OR3A2: variants seen among roughly 807,000 people sequenced by gnomAD.
The protein encoded by OR3A2 is olfactory receptor family 3 subfamily A member 2.
For missense variants in OR3A2, 318 were observed against 392.8 expected (o/e 0.81, Z 1.61); for synonymous variants, 126 against 159.3 (o/e 0.79, Z 1.57).
intron 3 of OR3A2, among the ~76,000 whole-genome samples, chr17:3,319,483 G>A (rs9890821): frequency 0.019 from 2,815 of 151,900 alleles, 90 homozygotes; most frequent in African/African-American, 0.064. Flanking sequence ...CCATTAACTC[G>A]TCATTTAGCA....
At chr17:3,348,675 GA>G (rs768340063) in intron 2 of OR3A2, among the ~76,000 whole-genome samples, 2 of 151,884 alleles carry the variant, frequency 1.3e-5, no homozygotes, top group Non-Finnish European at 2.9e-5. Flanking sequence ...AGGAAATACA[GA>G]CAACACCACA....
intron 2 of OR3A2, among the ~76,000 whole-genome samples, chr17:3,369,848 G>A (rs1056051620): frequency 7.0e-6 from 1 of 143,510 alleles, no homozygotes; most frequent in African/African-American, 2.6e-5. Flanking sequence ...CTATCACCCA[G>A]GCTGGAGTGC....
At chr17:3,359,209 T>C (rs56404472) in intron 2 of OR3A2, among the ~76,000 whole-genome samples, 2,453 of 151,860 alleles carry the variant, frequency 0.016, 28 homozygotes, top group Middle Eastern at 0.024. Flanking sequence ...AGAATACTAC[T>C]GGATCTTGCT....
chr17:3,360,247 C>T (rs560054234), intron 2 of OR3A2, among the ~76,000 whole-genome samples: 29 of 136,834 alleles, frequency 2.1e-4, no homozygotes, highest in African/African-American at 5.8e-4. Flanking sequence ...TCATATCCTT[C>T]GCCCACTTTT....
intron 3 of OR3A2, among the ~76,000 whole-genome samples, chr17:3,324,233 A>G (rs1478576131): frequency 4.0e-5 from 6 of 151,824 alleles, no homozygotes; most frequent in Non-Finnish European, 7.4e-5. Flanking sequence ...ACTTCTCTGC[A>G]TTGGTTGTTC....
chr17:3,344,410 C>A (rs1259799367), intron 2 of OR3A2, among the ~76,000 whole-genome samples: 2 of 152,152 alleles, frequency 1.3e-5, no homozygotes, highest in African/African-American at 2.4e-5. Flanking sequence ...TTGTAAGACT[C>A]CAGGCCACTA....
chr17:3,333,480 G>A (rs993897429), intron 3 of OR3A2, among the ~76,000 whole-genome samples: 10 of 152,114 alleles, frequency 6.6e-5, no homozygotes, highest in Admixed American at 2.0e-4. Context: ...CTCCCTGTTC[G>A]TACATCCCCT....
At chr17:3,322,243 T>C (rs981695140) in intron 3 of OR3A2, among the ~76,000 whole-genome samples, 3 of 152,148 alleles carry the variant, frequency 2.0e-5, no homozygotes, top group Non-Finnish European at 4.4e-5. Context: ...TTTTTATTCA[T>C]CTATCTGATT....
intron 3 of OR3A2, chr17:3,298,426 G>T (rs1204920388): frequency 2.6e-5 from 4 of 152,186 alleles, no homozygotes; most frequent in African/African-American, 9.7e-5. Flanking sequence ...TAGGAACCTG[G>T]TTCAGCGTTG....
At chr17:3,306,257 T>A (rs1439866133) in intron 3 of OR3A2, among the ~76,000 whole-genome samples, 1 of 152,058 alleles carries the variant, frequency 6.6e-6, no homozygotes, top group Non-Finnish European at 1.5e-5. Flanking sequence ...CCTCAAGCAA[T>A]CCTCCTACCT....
At chr17:3,331,054 G>A (rs1478322331) in intron 3 of OR3A2, among the ~76,000 whole-genome samples, 1 of 152,080 alleles carries the variant, frequency 6.6e-6, no homozygotes, top group Non-Finnish European at 1.5e-5. Context: ...ACTCTCTTCT[G>A]GCTTGTAGGG....
intron 3 of OR3A2, among the ~76,000 whole-genome samples, chr17:3,312,812 CG>C (rs753191933): frequency 9.3e-4 from 142 of 152,128 alleles, no homozygotes; most frequent in Non-Finnish European, 1.7e-3. Flanking sequence ...TTACTGGAGA[CG>C]GGGTTTTACC....
chr17:3,353,170 G>A (rs905778071), intron 2 of OR3A2, among the ~76,000 whole-genome samples: 11 of 150,616 alleles, frequency 7.3e-5, no homozygotes, highest in African/African-American at 1.2e-4. Flanking sequence ...AGTGTTGCCA[G>A]GTTGCTTTCC....
intron 3 of OR3A2, chr17:3,292,571 T>A: frequency 6.2e-7 from 1 of 1,606,014 alleles, no homozygotes; most frequent in Middle Eastern, 1.7e-4. Context: ...TGGCCCCAGA[T>A]TCTGGCTGCA....
intron 2 of OR3A2, among the ~76,000 whole-genome samples, chr17:3,374,045 C>A (rs117151380): frequency 6.6e-6 from 1 of 152,120 alleles, no homozygotes; most frequent in Non-Finnish European, 1.5e-5. Context: ...TTTTATCTCC[C>A]CTTTGTTCAT....
chr17:3,338,164 G>A (rs1426075100), intron 2 of OR3A2, among the ~76,000 whole-genome samples: 1 of 152,224 alleles, frequency 6.6e-6, no homozygotes, highest in East Asian at 1.9e-4. Flanking sequence ...GTAGATTCTG[G>A]ACATTAGCCC....
intron 2 of OR3A2, among the ~76,000 whole-genome samples, chr17:3,377,820 T>C (rs751720458): frequency 2.0e-5 from 3 of 152,162 alleles, no homozygotes; most frequent in Admixed American, 6.5e-5. Flanking sequence ...TGTCGAGAAA[T>C]TGGAACTCTC....
intron 2 of OR3A2, among the ~76,000 whole-genome samples, chr17:3,349,307 CAT>C (rs1026587355): frequency 6.6e-6 from 1 of 152,116 alleles, no homozygotes; most frequent in Non-Finnish European, 1.5e-5. Context: ...CAGAGACACA[CAT>C]AGACTCAAAA....
intron 3 of OR3A2, among the ~76,000 whole-genome samples, chr17:3,320,400 A>G (rs1200268460): frequency 6.9e-6 from 1 of 144,176 alleles, no homozygotes; most frequent in Non-Finnish European, 1.5e-5. Flanking sequence ...CCATTTGTCA[A>G]TTTTGTCTTT....
Sources: allele counts gnomAD v4.1 joint callset (sites outside exome capture counted in the v4.1 genomes callset), GRCh38; gene constraint gnomAD v4.1.1; transcripts MANE v1.5; gene names NCBI Gene and HGNC (gene_info 2026-07-23, HGNC 2026-07-21).